Variants in STRN observed in about 807,000 individuals in gnomAD.
The protein encoded by STRN is striatin, also known as protein phosphatase 2 regulatory subunit B'''alpha.
In STRN, 53 loss-of-function variants were observed where a neutral mutation model predicts 96.3. That is an observed-to-expected ratio of 0.55 (90% confidence interval 0.44 to 0.69). STRN has a LOEUF of 0.69. STRN is among the 30% of genes least tolerant of loss of function. STRN has a pLI of 0.00. For synonymous variants in STRN, 428 were observed against 355.9 expected, an observed-to-expected ratio of 1.20 and a Z score of -2.28; for missense variants, 987 against 963.9, an observed-to-expected ratio of 1.02 and a Z score of -0.32.
At chr2:36,903,390 G>A (rs1476156750) in intron 4 of STRN, among the ~76,000 whole-genome samples, 2 of 152,158 alleles carry the variant, frequency 1.3e-5, no homozygotes, top group Non-Finnish European at 2.9e-5. Context: ...CCACTTACTT[G>A]CATAACTTTA....
chr2:36,852,702 G>C (rs1011794665), intron 15 of STRN, among the ~76,000 whole-genome samples: 7 of 152,102 alleles, frequency 4.6e-5, no homozygotes, highest in Non-Finnish European at 4.4e-5. Context: ...TTGAACCCTA[G>C]AATAGGTATT....
In STRN at chr2:36,893,881, C is replaced by A; in HGVS notation, c.931+17G>T. 1 of 1,587,698 alleles carries A rather than the reference C, an allele frequency of 6.3e-7. No individual in the cohort carries two copies. Among genetic ancestry groups the A allele is most frequent in the Non-Finnish European group, 8.5e-7 (1 of 1,172,772 alleles). On this transcript the variant is annotated intron_variant, in intron 7 of 17. Coordinates refer to ENST00000263918, the MANE Select transcript of STRN (RefSeq NM_003162.4). ...ATTTACTTAACATCTCTGGTTGGAT[C>A]CAGTATGCTTCCTTACCCCAGTCTG...
chr2:36,957,882 C>A (rs929021654), intron 1 of STRN, among the ~76,000 whole-genome samples: 1 of 142,630 alleles, frequency 7.0e-6, no homozygotes, highest in African/African-American at 2.6e-5. Flanking sequence ...CCCCGAGTAG[C>A]TGGGATTACA....
At chr2:36,914,256 G>A (rs1670035177) in intron 3 of STRN, among the ~76,000 whole-genome samples, 2 of 152,116 alleles carry the variant, frequency 1.3e-5, no homozygotes, top group Non-Finnish European at 2.9e-5. Flanking sequence ...CTCCCAAAGT[G>A]GGATTACAGG....
At chr2:36,934,945 G>A (rs1265778140) in intron 1 of STRN, among the ~76,000 whole-genome samples, 1 of 152,172 alleles carries the variant, frequency 6.6e-6, no homozygotes, top group Non-Finnish European at 1.5e-5. Flanking sequence ...CGGTGTGGTG[G>A]CTCAAAACTG....
At chr2:36,954,274 G>A (rs1448946098) in intron 1 of STRN, among the ~76,000 whole-genome samples, 1 of 152,030 alleles carries the variant, frequency 6.6e-6, no homozygotes, top group African/African-American at 2.4e-5. Flanking sequence ...ACTGTGGGAG[G>A]CTGAGGCAGA....
intron 5 of STRN, among the ~76,000 whole-genome samples, chr2:36,902,246 G>A (rs1445627126): frequency 1.3e-5 from 2 of 152,080 alleles, no homozygotes; most frequent in Non-Finnish European, 2.9e-5. Flanking sequence ...GTATTTTTAC[G>A]ACTTCTGGAT....
intron 2 of STRN, among the ~76,000 whole-genome samples, chr2:36,921,436 T>C (rs1670252660): frequency 6.6e-6 from 1 of 152,228 alleles, no homozygotes; most frequent in Admixed American, 6.5e-5. Context: ...ACTTGTTCTA[T>C]CAACTACTCC....
At chr2:36,949,080 C>T (rs1458457191) in intron 1 of STRN, among the ~76,000 whole-genome samples, 1 of 152,210 alleles carries the variant, frequency 6.6e-6, no homozygotes, top group Admixed American at 6.5e-5. Flanking sequence ...GCTGTACCTT[C>T]TCTACGTTTA....
chr2:36,943,953 T>C (rs908199324), intron 1 of STRN, among the ~76,000 whole-genome samples: 10 of 151,334 alleles, frequency 6.6e-5, no homozygotes, highest in Non-Finnish European at 1.0e-4. Flanking sequence ...CCCGTCTCCA[T>C]TAAAAATACA....
rs1485478442 is a variant in STRN at position 36,887,418 on chromosome 2, C to T, written c.932-592G>A. On this transcript the variant is annotated intron_variant, in intron 7 of 17. Transcript: ENST00000263918. ...CCGGGAGGCGGAGGTTGCAATGAGC[C>T]GAGATTGTGCCATTGCACTCCCGCC... is the stretch of plus-strand genomic sequence containing the variant. Among the ~76,000 whole-genome samples the T allele has an allele frequency of 2.6e-5, 4 of 151,656 alleles. No individual in the cohort carries two copies. The East Asian group carries it at 5.8e-4, about 22-fold the overall frequency.
intron 10 of STRN, among the ~76,000 whole-genome samples, chr2:36,872,671 T>C (rs576669527): frequency 3.9e-5 from 6 of 152,246 alleles, no homozygotes; most frequent in South Asian, 4.1e-4. Context: ...TTAAAAGCTA[T>C]GAAAAAAGAA....
chr2:36,870,300 A>C (rs1182755911), intron 10 of STRN, among the ~76,000 whole-genome samples: 3 of 151,850 alleles, frequency 2.0e-5, no homozygotes, highest in Admixed American at 2.0e-4. Context: ...AAAAATGAAA[A>C]AAAAAAAAAA....
At position 36,858,037 on chromosome 2, in the gene STRN, TA is replaced by T. The variant is rs747110898; in HGVS notation, c.1670-15del. Reference sequence around the variant, plus strand: ...AAACAGAAGGATCTATACAAAACAGTAAAAATGCAAAATCAGGAGAAAAACA... The same window carrying T: ...AAACAGAAGGATCTATACAAAACAGTAAAATGCAAAATCAGGAGAAAAACA... On this transcript the variant is annotated splice_polypyrimidine_tract_variant and intron_variant, in intron 13 of 17. Transcript: ENST00000263918. The T allele has an allele frequency of 3.9e-6, 6 of 1,538,646 alleles. No individual in the cohort carries two copies. The African/African-American group carries it at 8.2e-5, about 21-fold the overall frequency.
chr2:36,947,175 C>T (rs1180598053), intron 1 of STRN, among the ~76,000 whole-genome samples: 1 of 152,158 alleles, frequency 6.6e-6, no homozygotes, highest in Non-Finnish European at 1.5e-5. Flanking sequence ...GGATTACAGG[C>T]ATGAGCCACC....
At chr2:36,892,992 C>G (rs1409406884) in intron 7 of STRN, among the ~76,000 whole-genome samples, 1 of 151,950 alleles carries the variant, frequency 6.6e-6, no homozygotes, top group Non-Finnish European at 1.5e-5. Context: ...TGCACTCAAG[C>G]CTGGGTGACA....
In STRN at chr2:36,845,698, A is replaced by C. The variant is rs1001770132; in HGVS notation, c.*3758T>G. 5 of 152,108 alleles carry C rather than the reference A, an allele frequency of 3.3e-5. No homozygotes were observed. Among genetic ancestry groups the C allele is most frequent in the Admixed American group, 3.3e-4 (5 of 15,250 alleles). 9.4% of individuals were successfully genotyped at this position (152,108 alleles called of 1,614,324 possible). The stretch of plus-strand genomic sequence containing the variant: ...TCTCCTTCTACCTGAACTTTACTAT[A>C]ATTAAAGAATAGCTATTGTTTTCTC... On this transcript the variant is annotated 3_prime_UTR_variant, in exon 18 of 18. Coordinates refer to ENST00000263918, the MANE Select transcript of STRN (RefSeq NM_003162.4).
At chr2:36,948,014 A>G (rs1664638448) in intron 1 of STRN, among the ~76,000 whole-genome samples, 2 of 150,040 alleles carry the variant, frequency 1.3e-5, no homozygotes, top group Admixed American at 1.4e-4. Context: ...CAAAATAACC[A>G]TCTTCCAAAA....
chr2:36,848,281 T>G lies in STRN; in HGVS notation c.*1175A>C, dbSNP rs915689259. The stretch of plus-strand genomic sequence containing the variant: ...TAGCCAATATTTGGCATTAAACTCT[T>G]TCATCCAGGTTTCCAGGAGATTCTT... On this transcript the variant is annotated 3_prime_UTR_variant, in exon 18 of 18. Coordinates refer to ENST00000263918, the MANE Select transcript of STRN (RefSeq NM_003162.4). 2 of 152,218 alleles carry G rather than the reference T, an allele frequency of 1.3e-5. No individual in the cohort carries two copies. The highest frequency in any genetic ancestry group is 4.8e-5 in the African/African-American group (2 of 41,460). The allele number at this position is 152,218 out of a possible 1,614,324, so 9.4% of individuals were successfully genotyped here. A position where few individuals can be genotyped will look rare whatever the true frequency, so the allele number is the denominator to read the frequency against.
Sources: allele counts gnomAD v4.1 joint callset (sites outside exome capture counted in the v4.1 genomes callset), GRCh38; gene constraint gnomAD v4.1.1; transcripts MANE v1.5; gene names NCBI Gene and HGNC (gene_info 2026-07-23, HGNC 2026-07-21).